Variants in ANKRD44 observed in about 807,000 individuals in gnomAD.
ANKRD44 encodes serine/threonine-protein phosphatase 6 regulatory ankyrin repeat subunit B.
Under a neutral mutation model 116.0 loss-of-function variants are expected in ANKRD44, and 35 were observed. The ratio of observed to expected loss-of-function variants is 0.30; its 90% confidence interval spans 0.23 to 0.40. ANKRD44 has a LOEUF of 0.40. ANKRD44 is among the 10% of genes least tolerant of loss of function. The pLI, the probability that ANKRD44 is intolerant of heterozygous loss-of-function variation, is 1.00. For synonymous variants in ANKRD44, 435 were observed against 461.8 expected (o/e 0.94, Z 0.74); for missense variants, 1,014 against 1,242.6 (o/e 0.82, Z 2.77).
At chr2:196,979,993 T>C (rs1422755225) in intron 21 of ANKRD44, among the ~76,000 whole-genome samples, 2 of 152,132 alleles carry the variant, frequency 1.3e-5, no homozygotes, top group East Asian at 1.9e-4. Context: ...GCAAGGAAAA[T>C]GATCATTAAT....
chr2:197,017,055 T>C (rs1283902682), intron 17 of ANKRD44, among the ~76,000 whole-genome samples: 1 of 152,174 alleles, frequency 6.6e-6, no homozygotes, highest in Non-Finnish European at 1.5e-5. Context: ...ACCTACCAGA[T>C]TGGCAATGAT....
chr2:197,161,598 T>C (rs2079967022), intron 2 of ANKRD44, among the ~76,000 whole-genome samples: 1 of 152,144 alleles, frequency 6.6e-6, no homozygotes, highest in South Asian at 2.1e-4. Context: ...ATTCCATGGA[T>C]GGATTAAACA....
At chr2:196,990,030 A>G in intron 27 of ANKRD44, 1 of 1,027,660 alleles carries the variant, frequency 9.7e-7, no homozygotes, top group Non-Finnish European at 1.2e-6. Context: ...TGTTATAGGG[A>G]ACACTGTGTT....
chr2:197,054,646 G>A (rs1474137968), intron 16 of ANKRD44, among the ~76,000 whole-genome samples: 2 of 152,184 alleles, frequency 1.3e-5, no homozygotes, highest in African/African-American at 4.8e-5. Flanking sequence ...AAGTGATCTC[G>A]TCCACTAGCT....
At chr2:197,146,016 T>C (rs1406962123) in intron 3 of ANKRD44, among the ~76,000 whole-genome samples, 3 of 152,108 alleles carry the variant, frequency 2.0e-5, no homozygotes, top group African/African-American at 7.2e-5. Flanking sequence ...TAGTAAACAC[T>C]CAAGGGAGAA....
chr2:197,080,314 G>A (rs2077763585), intron 15 of ANKRD44, among the ~76,000 whole-genome samples: 1 of 152,144 alleles, frequency 6.6e-6, no homozygotes, highest in Non-Finnish European at 1.5e-5. Flanking sequence ...TTTTCACTGG[G>A]AATGCCTAGT....
chr2:197,139,743 G>C (rs999359146), intron 3 of ANKRD44, among the ~76,000 whole-genome samples: 1 of 151,792 alleles, frequency 6.6e-6, no homozygotes, highest in Non-Finnish European at 1.5e-5. Context: ...ATAGTTTTCT[G>C]TATGTTTGAA....
rs557624265 is a variant in ANKRD44, at chr2:197,156,121, C to T, written c.112-9016G>A. Among the ~76,000 whole-genome samples the T allele has an allele frequency of 2.4e-4, 36 of 152,248 alleles. 1 individual carries two copies. Among genetic ancestry groups the T allele is most frequent in the African/African-American group, 6.7e-4 (28 of 41,530 alleles). The stretch of plus-strand genomic sequence containing the variant: ...CATCACTTTGGGAGGCCAAGGCGGG[C>T]GGATCACGAGGTCAGGAGATCAAGA... On this transcript the variant is annotated intron_variant, in intron 2 of 27. Transcript: ENST00000282272.
At chr2:197,008,181 A>G (rs2076234851) in intron 19 of ANKRD44, among the ~76,000 whole-genome samples, 1 of 152,318 alleles carries the variant, frequency 6.6e-6, no homozygotes, top group South Asian at 2.1e-4. Flanking sequence ...CAAAATATTC[A>G]TGTTAATCCC....
intron 1 of ANKRD44, among the ~76,000 whole-genome samples, chr2:197,218,458 C>A (rs1451386873): frequency 6.6e-6 from 1 of 152,176 alleles, no homozygotes; most frequent in Non-Finnish European, 1.5e-5. Flanking sequence ...CCAAAGTGAA[C>A]CATTTACCTG....
At chr2:196,982,687 G>A (rs1187704925), downstream of ANKRD44, among the ~76,000 whole-genome samples, 1 of 152,108 alleles carries the variant, frequency 6.6e-6, no homozygotes. Context: ...GACAATCCAA[G>A]CCACTATATT....
chr2:197,119,003 G>A (rs1425699610), intron 8 of ANKRD44, among the ~76,000 whole-genome samples: 2 of 151,892 alleles, frequency 1.3e-5, no homozygotes, highest in East Asian at 3.9e-4. Flanking sequence ...TTTGCTCCAT[G>A]TTTTCTAGTA....
chr2:197,119,101 T>C lies in ANKRD44; in HGVS notation c.906+2231A>G, dbSNP rs1051395527. 5.3e-5 allele frequency among the ~76,000 whole-genome samples: 8 copies of C among 152,190 alleles called. 1 individual carries two copies. Among genetic ancestry groups the C allele is most frequent in the African/African-American group, 1.4e-4 (6 of 41,458 alleles). On this transcript the variant is annotated intron_variant, in intron 8 of 27. Transcript: ENST00000282272. ...CTTATCATGTATATTGAAGAAAATT[T>C]TCCCTAAGTTGCTCTTATTTTAATT...
intron 25 of ANKRD44, among the ~76,000 whole-genome samples, chr2:196,996,093 A>G (rs760396814): frequency 6.6e-6 from 1 of 152,190 alleles, no homozygotes; most frequent in Non-Finnish European, 1.5e-5. Context: ...TACCCTTTTA[A>G]GGGGTTATGG....
intron 16 of ANKRD44, among the ~76,000 whole-genome samples, chr2:197,046,234 T>G (rs1230928103): frequency 6.6e-6 from 1 of 152,216 alleles, no homozygotes; most frequent in South Asian, 2.1e-4. Context: ...CTGTCAGCTA[T>G]AAACATTTGT....
chr2:197,147,222 C>A lies in ANKRD44; in HGVS notation c.112-117G>T, dbSNP rs1383499039. 3.9e-6 allele frequency: 3 copies of A among 762,302 alleles called. No homozygotes were observed. In the East Asian group the frequency reaches 8.3e-5, roughly 21 times the overall value. The allele number at this position is 762,302 out of a possible 1,614,324, so 47.2% of individuals were successfully genotyped here. A position where few individuals can be genotyped will look rare whatever the true frequency, so the allele number is the denominator to read the frequency against. ...GTTAATGCATGTGGAAGAGTGTGAACACCAAACATTCGAGTAACTTCTGGT... is the reference window on the plus strand; with the variant it reads ...GTTAATGCATGTGGAAGAGTGTGAAAACCAAACATTCGAGTAACTTCTGGT... On this transcript the variant is annotated intron_variant, in intron 2 of 27. Transcript: ENST00000282272.
Position 197,289,902 on chromosome 2 carries a change from TATC to T in ANKRD44, c.27+20673_27+20675del, listed in dbSNP as rs1449915017. On this transcript the variant is annotated intron_variant, in intron 1 of 27. Coordinates refer to ENST00000282272, the MANE Select transcript of ANKRD44 (RefSeq NM_001195144.2). Reference sequence around the variant, plus strand: ...TTTTTTTTTTTTGAGACGGAGTCTCTATCACCCAGGCTGAGTGCAGTGGCGTGA... The same window carrying T: ...TTTTTTTTTTTTGAGACGGAGTCTCTACCCAGGCTGAGTGCAGTGGCGTGA... Among the ~76,000 whole-genome samples, 6 of 151,864 alleles carry T rather than the reference TATC, an allele frequency of 4.0e-5. No homozygotes were observed. The East Asian group carries it at 7.7e-4, about 20-fold the overall frequency.
intron 3 of ANKRD44, among the ~76,000 whole-genome samples, chr2:197,142,095 G>C (rs573937574): frequency 6.6e-6 from 1 of 152,150 alleles, no homozygotes; most frequent in Non-Finnish European, 1.5e-5. Context: ...AGAAACAAAG[G>C]CCCAATCCAT....
chr2:197,100,697 T>C (rs1410795446), intron 9 of ANKRD44, among the ~76,000 whole-genome samples: 1 of 152,242 alleles, frequency 6.6e-6, no homozygotes, highest in East Asian at 1.9e-4. Context: ...TTTGATGATC[T>C]AGCTTATAGT....
Sources: allele counts gnomAD v4.1 joint callset (sites outside exome capture counted in the v4.1 genomes callset), GRCh38; gene constraint gnomAD v4.1.1; transcripts MANE v1.5; gene names NCBI Gene and HGNC (gene_info 2026-07-23, HGNC 2026-07-21).